FOCAD: variants seen among roughly 807,000 people sequenced by gnomAD.
FOCAD encodes the protein focadhesin.
A neutral mutation model predicts 225.6 loss-of-function variants in FOCAD; 198 were observed. That is an observed-to-expected ratio of 0.88 (90% confidence interval 0.78 to 0.99). The LOEUF (loss-of-function observed/expected upper bound fraction) is 0.99, where lower values mean the gene tolerates loss of function less well. Ranked by LOEUF, FOCAD falls within the 50% of genes least tolerant of loss-of-function variation. The probability of loss-of-function intolerance (pLI) is 0.00; values close to 1 mark genes in which losing one functional copy is unlikely to be tolerated. For synonymous variants in FOCAD, 897 were observed against 755.0 expected, an observed-to-expected ratio of 1.19 and a Z score of -3.08; for missense variants, 2,713 against 2,123.6, an observed-to-expected ratio of 1.28 and a Z score of -5.46.
intron 7 of FOCAD, among the ~76,000 whole-genome samples, chr9:20,767,455 T>C (rs1223768357): frequency 6.7e-6 from 1 of 149,102 alleles, no homozygotes; most frequent in Non-Finnish European, 1.5e-5. Flanking sequence ...TGTAAAAGTG[T>C]TCCTATTTCT....
chr9:20,913,154 A>G (rs1158144894), intron 23 of FOCAD, among the ~76,000 whole-genome samples, 200 bp downstream of exon 23: 2 of 141,054 alleles, frequency 1.4e-5, no homozygotes, highest in Non-Finnish European at 3.0e-5. Flanking sequence ...ATACACACAC[A>G]CACACACACA....
intron 11 of FOCAD, among the ~76,000 whole-genome samples, chr9:20,798,938 T>C (rs1276853679): frequency 6.6e-6 from 1 of 152,198 alleles, no homozygotes; most frequent in East Asian, 1.9e-4. Context: ...AATTGTGATA[T>C]TAGGGTGTCA....
intron 1 of FOCAD, among the ~76,000 whole-genome samples, chr9:20,695,858 A>G (rs908549605): frequency 6.6e-6 from 1 of 152,252 alleles, no homozygotes; most frequent in Admixed American, 6.5e-5. Flanking sequence ...TCCAATCTGC[A>G]GCTAAGCACA....
intron 5 of FOCAD, among the ~76,000 whole-genome samples, chr9:20,746,781 G>A (rs1163293278): frequency 2.6e-5 from 4 of 151,900 alleles, no homozygotes; most frequent in Non-Finnish European, 4.4e-5. Flanking sequence ...GCCTTTTGCC[G>A]CCTTACTTTT....
At chr9:20,899,104 T>C (rs1039828551) in intron 21 of FOCAD, among the ~76,000 whole-genome samples, 1 of 151,906 alleles carries the variant, frequency 6.6e-6, no homozygotes. Flanking sequence ...AAAACTCTTA[T>C]TAGGTTAGGC....
chr9:20,945,950 T>C (rs1341479248), intron 29 of FOCAD, among the ~76,000 whole-genome samples: 2 of 152,198 alleles, frequency 1.3e-5, no homozygotes, highest in East Asian at 1.9e-4. Flanking sequence ...CTAAATTTGA[T>C]GTGCAAAAAT....
chr9:20,946,583 T>C lies in FOCAD; in HGVS notation c.3556-118T>C, dbSNP rs752635296. 4.4e-4 allele frequency: 477 copies of C among 1,093,834 alleles called. 1 individual carries two copies. The highest frequency in any genetic ancestry group is 5.8e-4 in the Non-Finnish European group (447 of 769,072). The allele number at this position is 1,093,834 out of a possible 1,614,324, so 67.8% of individuals were successfully genotyped here. A position where few individuals can be genotyped will look rare whatever the true frequency, so the allele number is the denominator to read the frequency against. On this transcript the variant is annotated intron_variant, in intron 29 of 43. Coordinates refer to ENST00000338382, the MANE Select transcript of FOCAD (RefSeq NM_001375567.1). The stretch of plus-strand genomic sequence containing the variant: ...AAAACAGTGCCCAATCCATGGTAAA[T>C]GTATGTGAATCCAATTCTTACTCTG...
chr9:20,850,341 A>G (rs192797170), intron 15 of FOCAD, among the ~76,000 whole-genome samples: 1 of 151,902 alleles, frequency 6.6e-6, no homozygotes, highest in Non-Finnish European at 1.5e-5. Context: ...TAGGAGGTAC[A>G]AGTGCAGGAT....
At chr9:20,738,210 C>T (rs975991548) in intron 4 of FOCAD, among the ~76,000 whole-genome samples, 1 of 152,212 alleles carries the variant, frequency 6.6e-6, no homozygotes. Flanking sequence ...AGAATGTGAA[C>T]AGTTCCAAAG....
At position 20,946,777 on chromosome 9, in the gene FOCAD, A is replaced by T. The variant is rs1259178318; in HGVS notation, c.3632A>T (p.Asp1211Val). The T allele has an allele frequency of 6.2e-7, 1 of 1,613,836 alleles. No individual in the cohort carries two copies. The highest frequency in any genetic ancestry group is 8.5e-7 in the Non-Finnish European group (1 of 1,179,796). ...ATTATTGAGGCTACAGAGGCTGAGGATGTTATGAACAAGCTTCGACTGTTA... is the reference window on the plus strand; with the variant it reads ...ATTATTGAGGCTACAGAGGCTGAGGTTGTTATGAACAAGCTTCGACTGTTA... The part of the protein sequence containing the change: ...AGIIEATEAE[D>V]VMNKLRLLVE... The change falls in exon 30 of 44, where the codon GAT (aspartate) becomes GTT (valine). Residue 1211 changes from aspartate (D) to valine (V), a missense_variant. Transcript: ENST00000338382.
At chr9:20,973,384 G>T (rs1587755962) in intron 35 of FOCAD, among the ~76,000 whole-genome samples, 1 of 149,710 alleles carries the variant, frequency 6.7e-6, no homozygotes, top group Admixed American at 6.7e-5. Flanking sequence ...CCTTTCTGCA[G>T]CTTTTTTTTT....
chr9:20,844,877 T>C (rs945877333), intron 15 of FOCAD, among the ~76,000 whole-genome samples: 2 of 152,188 alleles, frequency 1.3e-5, no homozygotes, highest in Non-Finnish European at 2.9e-5. Flanking sequence ...TCGTGAAATT[T>C]TCCTATCCCT....
chr9:20,893,526 T>A (rs1196557789), intron 21 of FOCAD, among the ~76,000 whole-genome samples: 1 of 152,148 alleles, frequency 6.6e-6, no homozygotes, highest in African/African-American at 2.4e-5. Context: ...TATGTACTGT[T>A]TGTGTTGTTA....
chr9:20,775,253 C>T (rs1818641467), intron 8 of FOCAD, among the ~76,000 whole-genome samples: 1 of 152,098 alleles, frequency 6.6e-6, no homozygotes, highest in Non-Finnish European at 1.5e-5. Context: ...AACTTAAGGT[C>T]CTTTCCATTT....
intron 27 of FOCAD, 54 bp from the exon 28 acceptor site, chr9:20,932,960 T>A: frequency 8.0e-7 from 1 of 1,247,440 alleles, no homozygotes; most frequent in South Asian, 1.2e-5. Context: ...TTCAGTATTT[T>A]GGATAGTTGA....
At chr9:20,910,846 G>T (rs1266649764) in intron 22 of FOCAD, among the ~76,000 whole-genome samples, 1 of 152,030 alleles carries the variant, frequency 6.6e-6, no homozygotes, top group Non-Finnish European at 1.5e-5. Flanking sequence ...CAGAAAAGAG[G>T]ATAGAAAAGA....
intron 11 of FOCAD, among the ~76,000 whole-genome samples, chr9:20,794,779 T>G (rs369999401): frequency 1.3e-5 from 2 of 152,244 alleles, no homozygotes; most frequent in Non-Finnish European, 2.9e-5. Flanking sequence ...ATTGGTGGAT[T>G]ATCTTCCAGT....
chr9:20,779,944 G>C (rs1177738477), intron 9 of FOCAD, among the ~76,000 whole-genome samples: 1 of 151,956 alleles, frequency 6.6e-6, no homozygotes, highest in Non-Finnish European at 1.5e-5. Flanking sequence ...CTTTATGTTC[G>C]CTTATACCTT....
Position 20,923,785 on chromosome 9 carries a change from T to G in FOCAD, c.2961+17T>G. The G allele has an allele frequency of 1.9e-6, 3 of 1,582,522 alleles. No homozygotes were observed. The highest frequency in any genetic ancestry group is 2.6e-6 in the Non-Finnish European group (3 of 1,152,558). On this transcript the variant is annotated intron_variant, in intron 25 of 43. Coordinates refer to ENST00000338382, the MANE Select transcript of FOCAD (RefSeq NM_001375567.1). The stretch of plus-strand genomic sequence containing the variant: ...CTCCTGGAGGTTAGTTGGGGTGATT[T>G]AAACAATTGGCTTTGATTATGTCTT...
Sources: gnomAD v4.1 joint callset for allele counts (sites outside exome capture counted in the v4.1 genomes callset) on GRCh38, gnomAD v4.1.1 for gene constraint, MANE v1.5 for transcripts, NCBI Gene and HGNC (gene_info 2026-07-23, HGNC 2026-07-21) for gene names.